Variants in SAMD11 observed in about 807,000 individuals in gnomAD.
SAMD11 encodes sterile alpha motif domain containing 11, also known as sterile alpha motif domain-containing protein 11.
Under a neutral mutation model 64.4 loss-of-function variants are expected in SAMD11, and 77 were observed. The ratio of observed to expected loss-of-function variants is 1.20; its 90% CI spans 0.99 to 1.44. SAMD11 has a LOEUF of 1.44. Ranked by LOEUF, SAMD11 falls within the 40% of genes most tolerant of loss-of-function variation. The pLI, the probability that SAMD11 is intolerant of heterozygous loss-of-function variation, is 0.00. For synonymous variants in SAMD11, 658 were observed against 421.9 expected, an observed-to-expected ratio of 1.56 and a Z score of -6.86; for missense variants, 1,402 against 943.3, an observed-to-expected ratio of 1.49 and a Z score of -6.37.
intron 8 of SAMD11, 41 bp from the exon 9 acceptor site, chr1:942,094 CG>C: frequency 5.1e-6 from 3 of 583,630 alleles, no homozygotes; most frequent in Non-Finnish European, 5.5e-6. Context: ...TTTACGGGAA[CG>C]GGGGCGGGGG....
chr1:928,524 T>G (rs1300128850), intron 2 of SAMD11, among the ~76,000 whole-genome samples: 1 of 152,258 alleles, frequency 6.6e-6, no homozygotes, highest in Non-Finnish European at 1.5e-5. Flanking sequence ...CTGTGGCTGT[T>G]GAAGGGACCC....
In SAMD11 at chr1:943,760, G is replaced by C. The variant is rs1191732138; in HGVS notation, c.2241G>C (p.Leu747=). 10 of 1,611,484 alleles carry C rather than the reference G, an allele frequency of 6.2e-6. No homozygotes were observed. The East Asian group carries it at 2.2e-4, about 36-fold the overall frequency. ...TLPLLTEEHL[L]TNMGLKLGPA... ...CACTGCTGACGGAGGAGCACCTGCT[G>C]ACCAACATGGGGCTGAAGCTGGGGC... Residue 747 remains leucine (L), a synonymous_variant, in exon 13 of 14, where the codon CTG becomes CTC. Coordinates refer to ENST00000616016, the MANE Select transcript of SAMD11 (RefSeq NM_001385641.1).
chr1:943,722 G>C lies in SAMD11; in HGVS notation c.2203G>C (p.Gly735Arg), dbSNP rs370249951. ...GGTCTTCAGGGAGCAGGGGATCGAC[G>C]GGGAGACCCTGCCACTGCTGACGGA... ...TRVFREQGID[G>R]ETLPLLTEEH... Residue 735 changes from glycine (G) to arginine (R), a missense_variant, in exon 13 of 14, where the codon GGG becomes CGG. Physicochemically the swap from Gly to Arg is moderately radical, Grantham distance 125. Transcript: ENST00000616016. 1 of 1,596,276 alleles carries C rather than the reference G, an allele frequency of 6.3e-7. No individual in the cohort carries two copies. Among genetic ancestry groups the C allele is most frequent in the Non-Finnish European group, 8.5e-7 (1 of 1,169,858 alleles).
intron 12 of SAMD11, 106 bp downstream of exon 12, chr1:943,483 C>G (rs375222355): frequency 1.8e-6 from 2 of 1,113,862 alleles, no homozygotes; most frequent in Admixed American, 2.5e-5. Context: ...CCCTCTCCCT[C>G]CCCAAAAGCA....
At position 942,224 on chromosome 1, in the gene SAMD11, G is replaced by A; in HGVS notation, c.1447G>A (p.Val483Met). 1 of 1,353,080 alleles carries A rather than the reference G, an allele frequency of 7.4e-7. No individual in the cohort carries two copies. The highest frequency in any genetic ancestry group is 9.6e-7 in the Non-Finnish European group (1 of 1,045,364). The allele number at this position is 1,353,080 out of a possible 1,614,324, so 83.8% of individuals were successfully genotyped here. The change falls in exon 9 of 14, where the codon GTG becomes ATG. Residue 483 changes from valine to methionine, a missense_variant. Val to Met is a conservative substitution (Grantham distance 21). Transcript: ENST00000616016. ...CCATCTCAGGCCCCCCTTCCTGGGG[G>A]TGCCCTCGGCTCTGTGCCAGACCCC... ...GPHLRPPFLG[V>M]PSALCQTPGY...
chr1:926,177 C>T (rs1337716196), intron 2 of SAMD11, among the ~76,000 whole-genome samples, 164 bp downstream of exon 2: 1 of 152,152 alleles, frequency 6.6e-6, no homozygotes, highest in Non-Finnish European at 1.5e-5. Flanking sequence ...TCGTGCTCTC[C>T]CAGCCCTTCT....
At chr1:935,449 C>T (rs1278874042) in intron 4 of SAMD11, among the ~76,000 whole-genome samples, 4 of 152,178 alleles carry the variant, frequency 2.6e-5, no homozygotes, top group African/African-American at 7.2e-5. Flanking sequence ...CCTCGACCCC[C>T]TTTGAGGCAG....
intron 4 of SAMD11, among the ~76,000 whole-genome samples, chr1:932,937 G>A (rs1009913144): frequency 1.2e-4 from 18 of 152,226 alleles, no homozygotes; most frequent in Non-Finnish European, 1.6e-4. Context: ...GGGCTAGGCC[G>A]TGTGGTCATC....
chr1:930,036 G>A, intron 2 of SAMD11, 119 bp from the exon 3 acceptor site: 1 of 1,215,846 alleles, frequency 8.2e-7, no homozygotes, highest in Non-Finnish European at 1.1e-6. Flanking sequence ...TCGGCCTGGG[G>A]TGCGAGACCA....
chr1:940,901 C>T (rs866320597), intron 7 of SAMD11, among the ~76,000 whole-genome samples: 7 of 152,308 alleles, frequency 4.6e-5, no homozygotes, highest in Middle Eastern at 3.4e-3. Context: ...GGCCGGAAGC[C>T]TCCAGGCACC....
chr1:935,031 G>A (rs971134907), intron 4 of SAMD11, among the ~76,000 whole-genome samples: 8 of 152,104 alleles, frequency 5.3e-5, no homozygotes, highest in Admixed American at 5.2e-4. Context: ...TGACTGGGGA[G>A]AGGCTCACGG....
At chr1:936,358 G>A (rs529598154) in intron 5 of SAMD11, among the ~76,000 whole-genome samples, 30 of 146,180 alleles carry the variant, frequency 2.1e-4, no homozygotes, top group African/African-American at 4.9e-4. Context: ...CCCCGGTCCC[G>A]CCTCCTAGGG....
chr1:927,389 G>A (rs796066165), intron 2 of SAMD11, among the ~76,000 whole-genome samples: 14 of 152,244 alleles, frequency 9.2e-5, no homozygotes, highest in African/African-American at 1.4e-4. Flanking sequence ...AGTCTCTTCC[G>A]ACAGTGCTTC....
At chr1:935,069 CCA>C (rs1004189486) in intron 4 of SAMD11, among the ~76,000 whole-genome samples, 1 of 152,062 alleles carries the variant, frequency 6.6e-6, no homozygotes, top group African/African-American at 2.4e-5. Context: ...GGGCCGTGCT[CCA>C]CACAGTTCGT....
chr1:925,592 C>A, intron 1 of SAMD11: 1 of 208,802 alleles, frequency 4.8e-6, no homozygotes, highest in Non-Finnish European at 9.6e-6. Flanking sequence ...CGCCGCTCAC[C>A]GCTCCGGGAC....
chr1:943,818 T>G lies in SAMD11; in HGVS notation c.2289+10T>G. The G allele has an allele frequency of 2.5e-6, 4 of 1,612,822 alleles. No homozygotes were observed. The highest frequency in any genetic ancestry group is 3.4e-6 in the Non-Finnish European group (4 of 1,179,938). On this transcript the variant is annotated intron_variant, in intron 13 of 13. Coordinates refer to ENST00000616016, the MANE Select transcript of SAMD11 (RefSeq NM_001385641.1). ...CAAGATCCGGGCCCAGGTGAGACGC[T>G]GGGGAGTGAGGTCAGGGTCTCCAGA...
chr1:928,810 C>T (rs917119334), intron 2 of SAMD11, among the ~76,000 whole-genome samples: 1 of 152,252 alleles, frequency 6.6e-6, no homozygotes, highest in Non-Finnish European at 1.5e-5. Flanking sequence ...GATGCTCCAG[C>T]TTCCAGACCC....
chr1:941,457 C>G, intron 8 of SAMD11, 151 bp downstream of exon 8: 1 of 816,168 alleles, frequency 1.2e-6, no homozygotes, highest in Non-Finnish European at 1.9e-6. Flanking sequence ...TGACACCGAT[C>G]TGGGCTGCAG....
At position 944,424 on chromosome 1, in the gene SAMD11, G is replaced by A; in HGVS notation, c.*271G>A. On this transcript the variant is annotated 3_prime_UTR_variant, in exon 14 of 14. Transcript: ENST00000616016. ...CAGGCCTCCCCCTGGAACTGGGACT[G>A]GTCTCGGTCTGCTGACGTCAGGGTC... is the stretch of plus-strand genomic sequence containing the variant. 5.5e-6 allele frequency: 6 copies of A among 1,085,076 alleles called. No individual in the cohort carries two copies. The highest frequency in any genetic ancestry group is 6.2e-6 in the Non-Finnish European group (5 of 810,052). The allele number at this position is 1,085,076 out of a possible 1,614,324, so 67.2% of individuals were successfully genotyped here. A position where few individuals can be genotyped will look rare whatever the true frequency, so the allele number is the denominator to read the frequency against.
Sources: gnomAD v4.1 joint callset for allele counts (sites outside exome capture counted in the v4.1 genomes callset) on GRCh38, gnomAD v4.1.1 for gene constraint, MANE v1.5 for transcripts, NCBI Gene and HGNC (gene_info 2026-07-23, HGNC 2026-07-21) for gene names.